The following INSR variants were observed in gnomAD, a reference collection of about 807,000 sequenced individuals.
INSR encodes the protein IR.
INSR carries 67 observed loss-of-function variants against 142.6 expected under a neutral mutation model. That is an observed-to-expected ratio of 0.47 (90% CI 0.39 to 0.58). The LOEUF (loss-of-function observed/expected upper bound fraction) is 0.58, where lower values mean the gene tolerates loss of function less well. INSR is among the 20% of genes least tolerant of loss of function. The pLI, the probability that INSR is intolerant of heterozygous loss-of-function variation, is 0.00. For synonymous variants in INSR, 756 were observed against 743.1 expected (o/e 1.02, Z -0.28); for missense variants, 1,248 against 1,833.2 (o/e 0.68, Z 5.83).
At chr19:7,214,796 C>A (rs2145083244) in intron 2 of INSR, among the ~76,000 whole-genome samples, 1 of 147,738 alleles carries the variant, frequency 6.8e-6, no homozygotes, top group Non-Finnish European at 1.5e-5. Flanking sequence ...TCTTCCCTCC[C>A]TCCCTCCTCC....
At chr19:7,120,277 C>G (rs1278260469) in intron 20 of INSR, among the ~76,000 whole-genome samples, 1 of 152,204 alleles carries the variant, frequency 6.6e-6, no homozygotes, top group Non-Finnish European at 1.5e-5. Flanking sequence ...TGACTGATGT[C>G]TCATGTCTCC....
At chr19:7,157,136 A>G (rs1973615751) in intron 9 of INSR, among the ~76,000 whole-genome samples, 1 of 152,064 alleles carries the variant, frequency 6.6e-6, no homozygotes, top group South Asian at 2.1e-4. Context: ...GTGCACCACC[A>G]TGCCCGGCTA....
intron 2 of INSR, among the ~76,000 whole-genome samples, chr19:7,212,424 A>G (rs1004151011): frequency 2.6e-5 from 4 of 152,062 alleles, no homozygotes; most frequent in Non-Finnish European, 4.4e-5. Context: ...TAGCAGACAC[A>G]TGTTGAATCG....
At chr19:7,222,129 A>T (rs1382788619) in intron 2 of INSR, among the ~76,000 whole-genome samples, 2 of 57,480 alleles carry the variant, frequency 3.5e-5, no homozygotes, top group East Asian at 6.3e-4. Context: ...GTCCTCGGTA[A>T]AAAAAAAAAA....
intron 3 of INSR, among the ~76,000 whole-genome samples, chr19:7,178,271 G>A (rs1974190307): frequency 7.2e-6 from 1 of 138,068 alleles, no homozygotes; most frequent in Non-Finnish European, 1.6e-5. Context: ...GATAACATGA[G>A]GGTGGGGGGC....
chr19:7,123,898 G>C (rs554748956), intron 17 of INSR, among the ~76,000 whole-genome samples: 32 of 151,644 alleles, frequency 2.1e-4, no homozygotes, highest in Non-Finnish European at 4.3e-4. Context: ...ACTCCACTCT[G>C]GGCGACAGAG....
chr19:7,145,664 G>A (rs1973168873), intron 11 of INSR, among the ~76,000 whole-genome samples: 1 of 152,236 alleles, frequency 6.6e-6, no homozygotes, highest in African/African-American at 2.4e-5. Flanking sequence ...GGGTGGGGTT[G>A]CATTCCAATA....
In INSR at chr19:7,134,187, T is replaced by C. The variant is rs187879279; in HGVS notation, c.2683-1870A>G. Among the ~76,000 whole-genome samples, 541 of 151,740 alleles carry C rather than the reference T, an allele frequency of 3.6e-3. 4 individuals carry two copies. Among genetic ancestry groups the C allele is most frequent in the African/African-American group, 0.012 (511 of 41,346 alleles). ...GAGCAAGACTCCATCTCAAAAAAAA[T>C]AAATAAATAAAAAGAAAGAAACTAA... On this transcript the variant is annotated intron_variant, in intron 13 of 21. Coordinates refer to ENST00000302850, the MANE Select transcript of INSR (RefSeq NM_000208.4).
chr19:7,269,243 C>G (rs1195481373), intron 1 of INSR, among the ~76,000 whole-genome samples: 1 of 150,184 alleles, frequency 6.7e-6, no homozygotes, highest in African/African-American at 2.4e-5. Context: ...GAGAATTACC[C>G]ACAAAAGAAG....
chr19:7,173,472 C>A (rs1358217184), intron 4 of INSR, among the ~76,000 whole-genome samples: 1 of 151,808 alleles, frequency 6.6e-6, no homozygotes, highest in Admixed American at 6.6e-5. Flanking sequence ...GCATGTGCCA[C>A]CGTGCCCAGC....
chr19:7,248,781 G>A (rs1470711585), intron 2 of INSR, among the ~76,000 whole-genome samples: 16 of 56,506 alleles, frequency 2.8e-4, no homozygotes, highest in East Asian at 2.2e-3. Context: ...TTTTTGAGAC[G>A]GAGTCTCACT....
At chr19:7,153,331 C>CACA (rs1186813419) in intron 9 of INSR, among the ~76,000 whole-genome samples, 3 of 100,424 alleles carry the variant, frequency 3.0e-5, no homozygotes, top group Non-Finnish European at 3.6e-5. Flanking sequence ...ACCACACACA[C>CACA]CCACGCCACA....
At chr19:7,253,150 C>G (rs1385756286) in intron 2 of INSR, among the ~76,000 whole-genome samples, 4 of 151,878 alleles carry the variant, frequency 2.6e-5, no homozygotes, top group African/African-American at 9.7e-5. Flanking sequence ...ACCCTCTACC[C>G]CAAACCCTCT....
In INSR at chr19:7,216,134, C is replaced by T. The variant is rs540002326; in HGVS notation, c.653-31497G>A. On this transcript the variant is annotated intron_variant, in intron 2 of 21. Coordinates refer to ENST00000302850, the MANE Select transcript of INSR (RefSeq NM_000208.4). This position sits in a 1 kb window ranked among gnomAD's most constrained non-coding sequence, Gnocchi z 4.2. ...GGTCAGGAGTTCTAGATCAGCCTGA[C>T]CAACATGGTGAAACCCCGTCTCTAC... Among the ~76,000 whole-genome samples the T allele has an allele frequency of 2.6e-5, 4 of 152,000 alleles. No individual in the cohort carries two copies. Among genetic ancestry groups the T allele is most frequent in the African/African-American group, 9.6e-5 (4 of 41,510 alleles).
chr19:7,227,484 G>C (rs1975823230), intron 2 of INSR, among the ~76,000 whole-genome samples: 1 of 152,070 alleles, frequency 6.6e-6, no homozygotes, highest in South Asian at 2.1e-4. Context: ...AGTTGCCCAG[G>C]CTGGTCTCAA....
intron 1 of INSR, among the ~76,000 whole-genome samples, chr19:7,290,275 G>A (rs904119919): frequency 1.6e-4 from 24 of 152,000 alleles, no homozygotes; most frequent in African/African-American, 3.4e-4. Context: ...GCAGGGTGGC[G>A]TGTGCCTGTG....
In INSR at chr19:7,274,243, G is replaced by T. The variant is rs548236174; in HGVS notation, c.101-6347C>A. Among the ~76,000 whole-genome samples the T allele has an allele frequency of 3.7e-4, 56 of 152,000 alleles. 1 individual carries two copies. The South Asian group carries it at 0.012, about 32-fold the overall frequency. ...TAGATCCCTTGTATGCACAGTTCAC[G>T]ACAGGATTCGAGCTCCTATCAGAAT... On this transcript the variant is annotated intron_variant, in intron 1 of 21. Coordinates refer to ENST00000302850, the MANE Select transcript of INSR (RefSeq NM_000208.4).
intron 2 of INSR, among the ~76,000 whole-genome samples, chr19:7,257,062 T>C (rs2145188865): frequency 1.3e-5 from 2 of 151,098 alleles, no homozygotes; most frequent in Middle Eastern, 3.4e-3. Flanking sequence ...CCTGTCTCAG[T>C]CTCCCAAGCA....
At chr19:7,200,859 CAAAAAAAAAAAAA>C (rs59770137) in intron 2 of INSR, among the ~76,000 whole-genome samples, 1 of 76,312 alleles carries the variant, frequency 1.3e-5, no homozygotes. Flanking sequence ...GACCTTATCT[CAAAAAAAAAAAAA>C]AAAAAAAAAG....
Sources: allele counts gnomAD v4.1 joint callset (sites outside exome capture counted in the v4.1 genomes callset), GRCh38; gene constraint gnomAD v4.1.1; non-coding constraint Gnocchi (gnomAD v3.1); transcripts MANE v1.5; gene names NCBI Gene and HGNC (gene_info 2026-07-23, HGNC 2026-07-21).